SYK: variants seen among roughly 807,000 people sequenced by gnomAD.
The protein encoded by SYK is spleen associated tyrosine kinase.
A neutral mutation model predicts 77.8 loss-of-function variants in SYK; 16 were observed. That is an observed-to-expected ratio of 0.21 (90% CI 0.14 to 0.31). The LOEUF is 0.31. Among genes scored for constraint, SYK ranks in the 10% least tolerant of loss-of-function variants. The probability of loss-of-function intolerance (pLI) is 1.00; values close to 1 mark genes in which losing one functional copy is unlikely to be tolerated. For synonymous variants in SYK, 312 were observed against 308.7 expected, an observed-to-expected ratio of 1.01 and a Z score of -0.11; for missense variants, 529 against 814.4, an observed-to-expected ratio of 0.65 and a Z score of 4.26.
rs1163764608 is a variant in SYK at position 90,864,533 on chromosome 9, A to G, written c.718-56A>G. ...AGTCAGTCAGTAGCTCTCAGTCACT[A>G]TTTGTCTATTTCCTGACCTTGGTAT... is the stretch of plus-strand genomic sequence containing the variant. On this transcript the variant is annotated intron_variant, in intron 4 of 13. Coordinates refer to ENST00000375754, the MANE Select transcript of SYK (RefSeq NM_003177.7). The G allele has an allele frequency of 5.5e-6, 8 of 1,466,934 alleles. No homozygotes were observed. The East Asian group carries it at 1.8e-4, about 33-fold the overall frequency. The allele number at this position is 1,466,934 out of a possible 1,614,324, so 90.9% of individuals were successfully genotyped here.
intron 1 of SYK, among the ~76,000 whole-genome samples, chr9:90,831,698 C>T (rs977468375): frequency 1.3e-5 from 2 of 152,180 alleles, no homozygotes; most frequent in African/African-American, 2.4e-5. Context: ...TCATTTGTGA[C>T]GTGCACAAAG....
intron 3 of SYK, among the ~76,000 whole-genome samples, chr9:90,846,946 C>G (rs902140473): frequency 1.3e-5 from 2 of 152,246 alleles, no homozygotes; most frequent in Admixed American, 6.5e-5. Context: ...CATGTGAAGT[C>G]AACCCAAAAT....
At chr9:90,808,461 G>GTT (rs10573213) in intron 1 of SYK, among the ~76,000 whole-genome samples, 5,849 of 142,818 alleles carry the variant, frequency 0.041, 204 homozygotes, top group Middle Eastern at 0.094. Context: ...GTGTGTGTTG[G>GTT]TTTTTTTTTT....
At chr9:90,804,090 A>G (rs12353141) in intron 1 of SYK, among the ~76,000 whole-genome samples, 7,707 of 152,114 alleles carry the variant, frequency 0.051, 686 homozygotes, top group African/African-American at 0.18. Flanking sequence ...ATTAGACTCC[A>G]CTGAACTACG....
At chr9:90,868,395 G>C (rs886988828) in intron 7 of SYK, among the ~76,000 whole-genome samples, 1 of 152,072 alleles carries the variant, frequency 6.6e-6, no homozygotes, top group African/African-American at 2.4e-5. Flanking sequence ...AAATAAAGAA[G>C]TATATGTGTA....
intron 1 of SYK, among the ~76,000 whole-genome samples, chr9:90,818,167 C>T (rs1403798827): frequency 6.6e-6 from 1 of 152,136 alleles, no homozygotes. Context: ...CCCACTGGTT[C>T]CATTTTATTT....
intron 6 of SYK, among the ~76,000 whole-genome samples, chr9:90,866,496 C>T (rs961968420): frequency 2.0e-5 from 3 of 152,136 alleles, no homozygotes; most frequent in Non-Finnish European, 4.4e-5. Context: ...TTACAGGGCT[C>T]ACAGGCCTGG....
intron 1 of SYK, among the ~76,000 whole-genome samples, chr9:90,842,432 C>T (rs577387986): frequency 1.6e-3 from 216 of 138,538 alleles, no homozygotes; most frequent in African/African-American, 5.4e-3. Flanking sequence ...GTGTATGTAA[C>T]GTAGAATTTG....
intron 1 of SYK, among the ~76,000 whole-genome samples, chr9:90,812,759 G>GTC (rs1825132249): frequency 1.1e-5 from 1 of 88,912 alleles, no homozygotes; most frequent in East Asian, 7.4e-4. Context: ...GTGTGTGTGT[G>GTC]TGTGTGTGTG....
rs114639033 is a variant in SYK, at chr9:90,824,521, C to T, written c.-41-19337C>T. 3.9e-3 allele frequency among the ~76,000 whole-genome samples: 593 copies of T among 152,158 alleles called. 4 individuals are homozygous for T. Among genetic ancestry groups the T allele is most frequent in the African/African-American group, 0.014 (575 of 41,536 alleles). ...ACAACGTATGAAAAGAGCTATGTAC[C>T]ACAGCCAAGTGGAATTTATTCCAGG... On this transcript the variant is annotated intron_variant, in intron 1 of 13. Transcript: ENST00000375754.
intron 1 of SYK, among the ~76,000 whole-genome samples, chr9:90,835,057 G>A (rs1826020267): frequency 6.6e-6 from 1 of 150,752 alleles, no homozygotes; most frequent in Non-Finnish European, 1.5e-5. Context: ...TCAATAGTCT[G>A]TACTAGATGA....
intron 3 of SYK, among the ~76,000 whole-genome samples, chr9:90,856,467 TA>T (rs1311646827): frequency 6.6e-6 from 1 of 152,238 alleles, no homozygotes; most frequent in Non-Finnish European, 1.5e-5. Flanking sequence ...TGTCCTGTGC[TA>T]TGAGTAACGT....
At chr9:90,878,203 T>C (rs1828016967) in intron 10 of SYK, among the ~76,000 whole-genome samples, 1 of 152,238 alleles carries the variant, frequency 6.6e-6, no homozygotes, top group Non-Finnish European at 1.5e-5. Flanking sequence ...GAGTGATGAC[T>C]TCTGAAAATA....
chr9:90,865,004 T>C, intron 5 of SYK, 44 bp from the exon 6 acceptor site: 2 of 1,598,986 alleles, frequency 1.3e-6, no homozygotes, highest in African/African-American at 1.3e-5. Flanking sequence ...AAGGAAGTGG[T>C]TTCCTCAGAT....
chr9:90,817,991 A>C (rs1035388345), intron 1 of SYK, among the ~76,000 whole-genome samples: 5 of 152,064 alleles, frequency 3.3e-5, no homozygotes, highest in South Asian at 4.2e-4. Flanking sequence ...TCTCTTCAAC[A>C]CTCTAAGAAA....
At chr9:90,844,430 C>T in intron 2 of SYK, 115 bp downstream of exon 2, 1 of 1,227,352 alleles carries the variant, frequency 8.1e-7, no homozygotes, top group Non-Finnish European at 1.1e-6. Flanking sequence ...AATAACACAA[C>T]CATCTCCTTA....
At chr9:90,804,100 G>A (rs1033243169) in intron 1 of SYK, among the ~76,000 whole-genome samples, 6 of 151,926 alleles carry the variant, frequency 3.9e-5, no homozygotes, top group African/African-American at 9.7e-5. Context: ...ACTGAACTAC[G>A]GTTTGCTTTT....
In SYK at chr9:90,844,317, T is replaced by TG; in HGVS notation, c.417+5dup. 1 of 1,597,592 alleles carries TG rather than the reference T, an allele frequency of 6.3e-7. No homozygotes were observed. Among genetic ancestry groups the TG allele is most frequent in the Non-Finnish European group, 8.5e-7 (1 of 1,171,714 alleles). ...GTGAAGCAGACATGGAACCTGCAGG[T>TG]GGGCCACAGCTGGTCCTGCTCCCTG... On this transcript the variant is annotated splice_region_variant and intron_variant, in intron 2 of 13. Coordinates refer to ENST00000375754, the MANE Select transcript of SYK (RefSeq NM_003177.7).
chr9:90,815,494 G>A (rs1043262032), intron 1 of SYK, among the ~76,000 whole-genome samples: 25 of 152,212 alleles, frequency 1.6e-4, no homozygotes, highest in African/African-American at 6.0e-4. Context: ...AAGTCGTTTT[G>A]AAGGGTTTGT....
Sources: gnomAD v4.1 joint callset for allele counts (sites outside exome capture counted in the v4.1 genomes callset) on GRCh38, gnomAD v4.1.1 for gene constraint, MANE v1.5 for transcripts, NCBI Gene and HGNC (gene_info 2026-07-23, HGNC 2026-07-21) for gene names.